The following GNAS variants were observed in gnomAD, a reference collection of about 807,000 sequenced individuals.
GNAS encodes protein ALEX.
Under a neutral mutation model 54.5 loss-of-function variants are expected in GNAS, and 8 were observed. The ratio of observed to expected loss-of-function variants is 0.15; its 90% CI spans 0.09 to 0.26. The LOEUF is 0.26. Among genes scored for constraint, GNAS ranks in the 10% least tolerant of loss-of-function variants. The pLI is 1.00. For synonymous variants in GNAS, 204 were observed against 191.4 expected (o/e 1.07, Z -0.54); for missense variants, 170 against 529.8 (o/e 0.32, Z 6.67).
rs556828916 is a variant in GNAS at position 58,873,015 on chromosome 20, T to C, written c.44-22597T>C. ...GGCTGACCTGCCTCTCAGTTCATTC[T>C]CAAGGCGTTAGCCTCATCCCATCAG... is the stretch of plus-strand genomic sequence containing the variant. On this transcript the variant is annotated intron_variant, in intron 1 of 12. Transcript: ENST00000306090. This position sits in a 1 kb window ranked among gnomAD's most constrained non-coding sequence, Gnocchi z 4.3. 6.6e-6 allele frequency among the ~76,000 whole-genome samples: 1 copy of C among 152,350 alleles called. No homozygotes were observed. The highest frequency in any genetic ancestry group is 2.4e-5 in the African/African-American group (1 of 41,582).
intron 3 of GNAS, among the ~76,000 whole-genome samples, chr20:58,900,597 A>T (rs2090520106): frequency 6.6e-6 from 1 of 152,204 alleles, no homozygotes; most frequent in Non-Finnish European, 1.5e-5. Context: ...GGGGAGGAGG[A>T]GGAACCAAGA....
chr20:58,895,561 A>C lies in GNAS; in HGVS notation c.140-51A>C. 3 of 1,105,600 alleles carry C rather than the reference A, an allele frequency of 2.7e-6. No individual in the cohort carries two copies. In the East Asian group the frequency reaches 7.0e-5, roughly 26 times the overall value. The allele number at this position is 1,105,600 out of a possible 1,614,324, so 68.5% of individuals were successfully genotyped here. On this transcript the variant is annotated intron_variant, in intron 1 of 12. Transcript: ENST00000371085. ...ACAACAACAGCAGACCTCCCTGCCC[A>C]AAGTGTTAAAATGCCTCCTTCATAA...
intron 1 of GNAS, among the ~76,000 whole-genome samples, chr20:58,874,661 C>T (rs1429666113): frequency 1.3e-5 from 2 of 151,714 alleles, no homozygotes; most frequent in Non-Finnish European, 2.9e-5. Context: ...CTGGCCTGCC[C>T]TCCATCTTAG....
intron 3 of GNAS, chr20:58,899,834 C>T (rs1369445792): frequency 1.5e-6 from 1 of 686,084 alleles, no homozygotes. Context: ...GAACCATTGA[C>T]TTAGTTTAGG....
intron 1 of GNAS, among the ~76,000 whole-genome samples, chr20:58,865,200 CT>C (rs1239611622): frequency 6.6e-6 from 1 of 151,738 alleles, no homozygotes; most frequent in Admixed American, 6.6e-5. Context: ...GGCAGATCAC[CT>C]GAGGTCAAGA....
chr20:58,902,725 C>CTTTTTTT (rs60022134), intron 3 of GNAS, among the ~76,000 whole-genome samples: 2,732 of 69,510 alleles, frequency 0.039, 637 homozygotes, highest in Middle Eastern at 0.054. Flanking sequence ...GCACATACGA[C>CTTTTTTT]TTTTTTTTTT....
chr20:58,895,385 A>G (rs1284973204), intron 1 of GNAS: 2 of 541,188 alleles, frequency 3.7e-6, no homozygotes, highest in Non-Finnish European at 3.3e-6. Context: ...CAAACCTTAA[A>G]TTCTTGTTTG....
intron 1 of GNAS, chr20:58,850,803 T>C: frequency 2.5e-6 from 1 of 398,758 alleles, no homozygotes; most frequent in Admixed American, 4.4e-5. Flanking sequence ...GCGCTAGCGG[T>C]CCTCGTGGTC....
chr20:58,863,893 A>AG lies in GNAS; in HGVS notation c.43+23012dup, dbSNP rs895873266. 6.6e-6 allele frequency: 1 copy of AG among 152,606 alleles called. No individual in the cohort carries two copies. The highest frequency in any genetic ancestry group is 2.4e-5 in the African/African-American group (1 of 41,432). The allele number at this position is 152,606 out of a possible 1,614,324, so 9.5% of individuals were successfully genotyped here. A position where few individuals can be genotyped will look rare whatever the true frequency, so the allele number is the denominator to read the frequency against. ...TAAGTTTGAAGCTGTGGGATATTTG[A>AG]GGGGGAAAAAATGAATAATGCTTAT... On this transcript the variant is annotated intron_variant, in intron 1 of 12. Coordinates refer to the GNAS transcript ENST00000306090. This position sits in a 1 kb window ranked among gnomAD's most constrained non-coding sequence, Gnocchi z 4.1.
intron 1 of GNAS, among the ~76,000 whole-genome samples, chr20:58,876,353 G>T (rs889936340): frequency 1.3e-5 from 2 of 152,046 alleles, no homozygotes; most frequent in Non-Finnish European, 2.9e-5. Flanking sequence ...AGATGTCATG[G>T]ATTCTAATGG....
At chr20:58,896,903 CAAAA>C (rs1161338466) in intron 2 of GNAS, among the ~76,000 whole-genome samples, 2 of 151,976 alleles carry the variant, frequency 1.3e-5, no homozygotes, top group Non-Finnish European at 2.9e-5. Context: ...ACAAAACAAA[CAAAA>C]AAACCTTTAC....
chr20:58,867,205 A>G (rs1455313118), intron 1 of GNAS, among the ~76,000 whole-genome samples: 2 of 152,256 alleles, frequency 1.3e-5, no homozygotes, highest in Non-Finnish European at 2.9e-5. Flanking sequence ...GGCAGAACCC[A>G]AAAACAAATG....
rs146852487 is a variant in GNAS at position 58,900,422 on chromosome 20, C to T, written c.257+1437C>T. The T allele has an allele frequency of 1.5e-3, 306 of 202,506 alleles. 4 individuals are homozygous for T. The highest frequency in any genetic ancestry group is 6.6e-3 in the African/African-American group (288 of 43,648). 12.5% of individuals were successfully genotyped at this position (202,506 alleles called of 1,614,324 possible). A position where few individuals can be genotyped will look rare whatever the true frequency, so the allele number is the denominator to read the frequency against. ...GCATGTTTCAGCAATCCCTGTATCT[C>T]GCGTCTGTCTTCTGTCTTCCTTCCT... On this transcript the variant is annotated intron_variant, in intron 3 of 12. Transcript: ENST00000371085.
At chr20:58,855,391 TG>T in intron 1 of GNAS, 1 of 1,400,854 alleles carries the variant, frequency 7.1e-7, no homozygotes, top group Non-Finnish European at 9.8e-7. Flanking sequence ...GGGGAGGGGG[TG>T]GCAGGGCTGC....
At chr20:58,890,252 GGCCGCCGCCGCCGCGGCC>G (rs1282711414), upstream of GNAS, among the ~76,000 whole-genome samples, 2 of 150,982 alleles carry the variant, frequency 1.3e-5, no homozygotes, top group Non-Finnish European at 3.0e-5. Context: ...GATGCCCCGA[GGCCGCCGCCGCCGCGGCC>G]GCCGCCGACG....
At chr20:58,897,045 A>C (rs904267757) in intron 2 of GNAS, among the ~76,000 whole-genome samples, 13 of 152,238 alleles carry the variant, frequency 8.5e-5, no homozygotes, top group African/African-American at 3.1e-4. Flanking sequence ...GACATCACCC[A>C]TACGAATAGT....
At chr20:58,879,114 G>GT (rs2088048942) in intron 1 of GNAS, among the ~76,000 whole-genome samples, 1 of 152,216 alleles carries the variant, frequency 6.6e-6, no homozygotes, top group African/African-American at 2.4e-5. Context: ...TTAATGTGAG[G>GT]TGGTGGTGAT....
intron 1 of GNAS, among the ~76,000 whole-genome samples, chr20:58,885,730 C>G (rs150606065): frequency 6.6e-6 from 1 of 152,202 alleles, no homozygotes; most frequent in African/African-American, 2.4e-5. Flanking sequence ...ATGCTTTTTA[C>G]AATTCCTGCT....
chr20:58,882,004 G>T (rs2088252606), intron 1 of GNAS, among the ~76,000 whole-genome samples: 1 of 152,188 alleles, frequency 6.6e-6, no homozygotes, highest in Non-Finnish European at 1.5e-5. Flanking sequence ...CAGTTAGATT[G>T]TCTCTTTTCC....
Sources: allele counts gnomAD v4.1 joint callset (sites outside exome capture counted in the v4.1 genomes callset), GRCh38; gene constraint gnomAD v4.1.1; non-coding constraint Gnocchi (gnomAD v3.1); transcripts MANE v1.5; gene names NCBI Gene and HGNC (gene_info 2026-07-23, HGNC 2026-07-21).